PKIB: variants seen among roughly 807,000 people sequenced by gnomAD.
The protein encoded by PKIB is PKI-beta.
In PKIB, 2 loss-of-function variants were observed where a neutral mutation model predicts 4.5. The observed-to-expected ratio is 0.44, with a 90% confidence interval of 0.18 to 1.39. The LOEUF (loss-of-function observed/expected upper bound fraction) is 1.39, where lower values mean the gene tolerates loss of function less well. Among genes scored for constraint, PKIB ranks in the 40% most tolerant of loss-of-function variants. PKIB has a pLI of 0.27. For missense variants in PKIB, 94 were observed against 92.6 expected (o/e 1.02, Z -0.06); for synonymous variants, 38 against 36.0 (o/e 1.06, Z -0.20).
chr6:122,662,481 A>G (rs1392866247), intron 2 of PKIB, among the ~76,000 whole-genome samples: 13 of 144,824 alleles, frequency 9.0e-5, no homozygotes, highest in Non-Finnish European at 2.0e-4. Flanking sequence ...GTGCCCAGCT[A>G]TTTTTTTTTT....
chr6:122,616,371 A>C (rs542074630), intron 1 of PKIB, among the ~76,000 whole-genome samples: 1 of 152,166 alleles, frequency 6.6e-6, no homozygotes, highest in Non-Finnish European at 1.5e-5. Context: ...GGTTGAAGCC[A>C]GATTGTGCTG....
At chr6:122,513,865 T>G (rs1022683383) in intron 2 of PKIB, among the ~76,000 whole-genome samples, 3 of 152,232 alleles carry the variant, frequency 2.0e-5, no homozygotes, top group Non-Finnish European at 4.4e-5. Flanking sequence ...CACATTTTCT[T>G]TATCCGTAGA....
chr6:122,581,877 C>T (rs1283236647), intron 2 of PKIB: 1 of 152,064 alleles, frequency 6.6e-6, no homozygotes, highest in African/African-American at 2.4e-5. Context: ...CTATCCATTA[C>T]AAATGTAAAG....
chr6:122,644,539 T>G (rs1015609555), intron 2 of PKIB: 4 of 152,202 alleles, frequency 2.6e-5, no homozygotes, highest in Admixed American at 1.3e-4. Flanking sequence ...GTAAATGGTA[T>G]TAATATTAGT....
At chr6:122,528,455 G>T (rs1777159705) in intron 2 of PKIB, among the ~76,000 whole-genome samples, 1 of 152,160 alleles carries the variant, frequency 6.6e-6, no homozygotes, top group Non-Finnish European at 1.5e-5. Flanking sequence ...AGTTCTGGAG[G>T]CTGGGAAGTC....
At chr6:122,560,899 A>G (rs1409021874) in intron 2 of PKIB, among the ~76,000 whole-genome samples, 1 of 151,496 alleles carries the variant, frequency 6.6e-6, no homozygotes, top group African/African-American at 2.4e-5. Flanking sequence ...CTTCTGTTTG[A>G]TTTCTCAGTG....
intron 3 of PKIB, among the ~76,000 whole-genome samples, chr6:122,717,041 G>T (rs1263575647): frequency 6.6e-6 from 1 of 152,050 alleles, no homozygotes; most frequent in African/African-American, 2.4e-5. Context: ...ATAATAAAAA[G>T]GTCAGTTTTA....
At chr6:122,543,355 CTTTTTT>C (rs34068830) in intron 2 of PKIB, among the ~76,000 whole-genome samples, 2 of 138,806 alleles carry the variant, frequency 1.4e-5, no homozygotes, top group Non-Finnish European at 3.1e-5. Flanking sequence ...CCACCCCCTC[CTTTTTT>C]TTTTTTTTTT....
intron 4 of PKIB, among the ~76,000 whole-genome samples, chr6:122,723,305 C>T (rs576661311): frequency 6.6e-5 from 10 of 152,224 alleles, no homozygotes; most frequent in East Asian, 5.8e-4. Flanking sequence ...TTGGCGTCTC[C>T]GCTTGGATAT....
At chr6:122,691,694 G>C (rs1459316223) in intron 3 of PKIB, among the ~76,000 whole-genome samples, 2 of 151,930 alleles carry the variant, frequency 1.3e-5, no homozygotes, top group Non-Finnish European at 2.9e-5. Flanking sequence ...TTGGTCCCTG[G>C]TAGCTTATTT....
intron 2 of PKIB, among the ~76,000 whole-genome samples, chr6:122,645,772 G>A (rs1776286530): frequency 6.6e-6 from 1 of 152,184 alleles, no homozygotes; most frequent in Admixed American, 6.5e-5. Flanking sequence ...AGGTTTGGGG[G>A]TTATGTGGAT....
chr6:122,522,064 A>G (rs1776961285), intron 2 of PKIB, among the ~76,000 whole-genome samples: 1 of 152,182 alleles, frequency 6.6e-6, no homozygotes, highest in Non-Finnish European at 1.5e-5. Context: ...AAACTCAAAC[A>G]AAAAAATCAC....
intron 2 of PKIB, among the ~76,000 whole-genome samples, chr6:122,503,162 A>G (rs1041388895): frequency 1.3e-5 from 2 of 152,188 alleles, no homozygotes; most frequent in Non-Finnish European, 2.9e-5. Context: ...ATTACCCACG[A>G]AAGACCCCAC....
At chr6:122,531,639 C>A (rs1232004341) in intron 2 of PKIB, among the ~76,000 whole-genome samples, 1 of 152,108 alleles carries the variant, frequency 6.6e-6, no homozygotes, top group Non-Finnish European at 1.5e-5. Context: ...GAGACCCATC[C>A]CAGGTGTCTC....
At chr6:122,662,693 T>TGAGGTTGC (rs1291100235) in intron 2 of PKIB, among the ~76,000 whole-genome samples, 3 of 152,142 alleles carry the variant, frequency 2.0e-5, no homozygotes, top group Non-Finnish European at 2.9e-5. Flanking sequence ...CAACTTAAGC[T>TGAGGTTGC]AACACTGAAT....
chr6:122,628,393 T>C (rs1334475939), intron 1 of PKIB, among the ~76,000 whole-genome samples: 3 of 152,246 alleles, frequency 2.0e-5, no homozygotes, highest in Admixed American at 6.5e-5. Flanking sequence ...GATTACATAT[T>C]CTTTAAGACT....
chr6:122,501,044 C>T (rs1275842759), intron 2 of PKIB, among the ~76,000 whole-genome samples: 1 of 152,114 alleles, frequency 6.6e-6, no homozygotes, highest in African/African-American at 2.4e-5. Flanking sequence ...TACAATTTGA[C>T]ATGAGATTTG....
intron 4 of PKIB, among the ~76,000 whole-genome samples, chr6:122,723,180 A>G (rs113892887): frequency 1.8e-3 from 272 of 152,240 alleles, no homozygotes; most frequent in African/African-American, 6.4e-3. Flanking sequence ...ACACTCCCTC[A>G]CTTGTGATGT....
chr6:122,581,414 C>T (rs533801240), intron 2 of PKIB, among the ~76,000 whole-genome samples: 1 of 152,048 alleles, frequency 6.6e-6, no homozygotes, highest in East Asian at 1.9e-4. Flanking sequence ...ATTATTAAAA[C>T]TAGGCATTGT....
Sources: allele counts gnomAD v4.1 joint callset (sites outside exome capture counted in the v4.1 genomes callset), GRCh38; gene constraint gnomAD v4.1.1; transcripts MANE v1.5; gene names NCBI Gene and HGNC (gene_info 2026-07-23, HGNC 2026-07-21).